C12orf42: variants seen among roughly 807,000 people sequenced by gnomAD.
The protein encoded by C12orf42 is chromosome 12 open reading frame 42.
In C12orf42, 25 loss-of-function variants were observed where a neutral mutation model predicts 21.6. The observed-to-expected ratio is 1.16, with a 90% CI of 0.84 to 1.62. The LOEUF is 1.62. C12orf42 is among the 40% of genes most tolerant of loss of function. The pLI is 0.00. For missense variants in C12orf42, 483 were observed against 459.3 expected, an observed-to-expected ratio of 1.05 and a Z score of -0.47; for synonymous variants, 174 against 175.0, an observed-to-expected ratio of 0.99 and a Z score of 0.05.
chr12:103,322,147 A>C (rs1404708457), intron 4 of C12orf42, among the ~76,000 whole-genome samples: 1 of 149,592 alleles, frequency 6.7e-6, no homozygotes, highest in Admixed American at 6.6e-5. Flanking sequence ...ACACACACAC[A>C]CACGCACACG....
chr12:103,482,927 A>G (rs980574150), intron 1 of C12orf42, among the ~76,000 whole-genome samples: 19 of 152,016 alleles, frequency 1.2e-4, no homozygotes, highest in Non-Finnish European at 1.3e-4. Context: ...ATTTAAATAT[A>G]TTTCTATAAG....
At chr12:103,164,942 A>C in the C12orf42 span, among the ~76,000 whole-genome samples, 10 of 152,220 alleles carry the variant, frequency 6.6e-5, no homozygotes, top group Non-Finnish European at 1.2e-4. Flanking sequence ...AGGTAGGACA[A>C]ATGTCTTCAG....
the C12orf42 span, among the ~76,000 whole-genome samples, chr12:103,522,248 C>A: frequency 4.6e-5 from 7 of 152,134 alleles, no homozygotes; most frequent in African/African-American, 1.7e-4. Context: ...CTCTTGCCTG[C>A]CACCAGGTAA....
At chr12:103,273,250 T>C (rs1242413718) in intron 5 of C12orf42, among the ~76,000 whole-genome samples, 1 of 152,128 alleles carries the variant, frequency 6.6e-6, no homozygotes, top group Non-Finnish European at 1.5e-5. Flanking sequence ...TTCAGTTCCA[T>C]AAAAGAAGAA....
intron 10 of C12orf42, among the ~76,000 whole-genome samples, chr12:103,240,699 A>T (rs1366564878): frequency 1.3e-5 from 2 of 152,086 alleles, no homozygotes; most frequent in Non-Finnish European, 2.9e-5. Flanking sequence ...TTTTTGCAAC[A>T]TTTCCCAAGT....
chr12:103,271,083 A>C (rs527293179), intron 5 of C12orf42, among the ~76,000 whole-genome samples: 1 of 152,278 alleles, frequency 6.6e-6, no homozygotes, highest in African/African-American at 2.4e-5. Flanking sequence ...ATAGCAGGAC[A>C]GCACCTTGTT....
the C12orf42 span, chr12:103,557,943 A>G: frequency 1.3e-5 from 2 of 152,344 alleles, no homozygotes; most frequent in East Asian, 3.9e-4. Flanking sequence ...AAAATGTTAA[A>G]TTGGCCTTGC....
the C12orf42 span, among the ~76,000 whole-genome samples, chr12:103,154,229 G>A: frequency 6.6e-6 from 1 of 152,114 alleles, no homozygotes; most frequent in African/African-American, 2.4e-5. Context: ...GTATGCTGGT[G>A]AATGCTCCCT....
chr12:103,074,456 C>G, the C12orf42 span, among the ~76,000 whole-genome samples: 3 of 152,018 alleles, frequency 2.0e-5, no homozygotes, highest in Non-Finnish European at 4.4e-5. Flanking sequence ...AGCAGGTAAG[C>G]CTCCAAATAT....
In C12orf42 at chr12:103,257,446, C is replaced by G. The variant is rs151257208; in HGVS notation, c.*1366+5880G>C. Among the ~76,000 whole-genome samples, 691 of 152,040 alleles carry G rather than the reference C, an allele frequency of 4.5e-3. 6 individuals carry two copies. Among genetic ancestry groups the G allele is most frequent in the African/African-American group, 0.016 (667 of 41,488 alleles). ...TGCTTAAAAAGTTATACCCACAAAA[C>G]AAAACAAAATACAACTTCCGTTTCA... On this transcript the variant is annotated intron_variant and NMD_transcript_variant, in intron 10 of 10. Transcript: ENST00000547347.
chr12:103,444,443 CT>C (rs1480026196), intron 2 of C12orf42, among the ~76,000 whole-genome samples: 1 of 152,028 alleles, frequency 6.6e-6, no homozygotes, highest in Admixed American at 6.6e-5. Flanking sequence ...ATAATACCGA[CT>C]TTTTGAAATG....
At chr12:103,424,757 C>G (rs1449311003) in intron 2 of C12orf42, among the ~76,000 whole-genome samples, 3 of 152,200 alleles carry the variant, frequency 2.0e-5, no homozygotes, top group Admixed American at 1.3e-4. Context: ...GGGCAAACAC[C>G]GAGCTGGCTG....
chr12:103,168,107 T>C, the C12orf42 span: 1 of 455,930 alleles, frequency 2.2e-6, no homozygotes, highest in Non-Finnish European at 4.4e-6. Flanking sequence ...ACAATGGAAG[T>C]CTTTAAACAT....
Position 103,312,669 on chromosome 12 carries a change from A to T in C12orf42, c.260-6324T>A, listed in dbSNP as rs915304029. ...TTTTGGTGTTTTGGTTGTTAAAAAAATTCTCCCAAATATTCAAGTTTTACC... is the reference window on the plus strand; with the variant it reads ...TTTTGGTGTTTTGGTTGTTAAAAAATTTCTCCCAAATATTCAAGTTTTACC... On this transcript the variant is annotated intron_variant, in intron 4 of 5. Transcript: ENST00000548883. Among the ~76,000 whole-genome samples, 184 of 152,320 alleles carry T rather than the reference A, an allele frequency of 1.2e-3. 1 individual carries two copies. The highest frequency in any genetic ancestry group is 4.3e-3 in the African/African-American group (179 of 41,560).
intron 4 of C12orf42, among the ~76,000 whole-genome samples, chr12:103,364,783 G>A (rs2044448085): frequency 6.6e-6 from 1 of 151,930 alleles, no homozygotes. Flanking sequence ...CTTAAATCAG[G>A]AAGAATTAGA....
At chr12:103,331,245 C>G (rs1240889378) in intron 4 of C12orf42, among the ~76,000 whole-genome samples, 1 of 152,188 alleles carries the variant, frequency 6.6e-6, no homozygotes, top group Non-Finnish European at 1.5e-5. Flanking sequence ...TATTCTATAA[C>G]AAAGTGTTGA....
the C12orf42 span, among the ~76,000 whole-genome samples, chr12:103,123,964 T>C: frequency 2.0e-5 from 3 of 151,884 alleles, no homozygotes; most frequent in Admixed American, 1.3e-4. Flanking sequence ...TAAATGCCAA[T>C]TTATCTCCGT....
At chr12:103,203,447 G>A in the C12orf42 span, among the ~76,000 whole-genome samples, 1 of 152,094 alleles carries the variant, frequency 6.6e-6, no homozygotes, top group Non-Finnish European at 1.5e-5. Flanking sequence ...GAAGCCAAGT[G>A]GGTTAACCTA....
intron 1 of C12orf42, among the ~76,000 whole-genome samples, chr12:103,493,699 A>G (rs1320344): frequency 0.65 from 91,941 of 142,286 alleles, 30,088 homozygotes; most frequent in Admixed American, 0.73. Flanking sequence ...GAACACGAAA[A>G]AAGCAAAAGC....
Sources: allele counts gnomAD v4.1 joint callset (sites outside exome capture counted in the v4.1 genomes callset), GRCh38; gene constraint gnomAD v4.1.1; transcripts MANE v1.5; gene names NCBI Gene and HGNC (gene_info 2026-07-23, HGNC 2026-07-21).